Variants in GRIN2B observed in about 807,000 individuals in gnomAD.
GRIN2B encodes the protein glutamate receptor ionotropic, NMDA 2B.
In GRIN2B, 5 loss-of-function variants were observed where a neutral mutation model predicts 114.5. The observed-to-expected ratio is 0.04, with a 90% CI of 0.02 to 0.09. The LOEUF is 0.09. Among genes scored for constraint, GRIN2B ranks in the 10% least tolerant of loss-of-function variants. GRIN2B has a pLI of 1.00. For missense variants in GRIN2B, 1,108 were observed against 1,943.5 expected (o/e 0.57, Z 8.08); for synonymous variants, 787 against 745.1 (o/e 1.06, Z -0.92).
chr12:13,598,627 C>T (rs1949107293), intron 10 of GRIN2B, among the ~76,000 whole-genome samples: 1 of 152,178 alleles, frequency 6.6e-6, no homozygotes, highest in Non-Finnish European at 1.5e-5. Context: ...TACCCCACCC[C>T]CTCCACCACC....
intron 4 of GRIN2B, among the ~76,000 whole-genome samples, chr12:13,690,727 C>T (rs1565501604): frequency 1.3e-5 from 2 of 151,958 alleles, no homozygotes; most frequent in South Asian, 2.1e-4. Flanking sequence ...AAATCAAAAG[C>T]GATTTCTCTT....
At chr12:13,658,598 A>T (rs1276551588) in intron 5 of GRIN2B, among the ~76,000 whole-genome samples, 3 of 152,182 alleles carry the variant, frequency 2.0e-5, no homozygotes, top group African/African-American at 7.2e-5. Context: ...ATAGATTTTG[A>T]AGAGCACAGA....
intron 2 of GRIN2B, among the ~76,000 whole-genome samples, chr12:13,928,079 G>A (rs1866951659): frequency 6.6e-6 from 1 of 151,962 alleles, no homozygotes; most frequent in Non-Finnish European, 1.5e-5. Flanking sequence ...GGGAGGCTGA[G>A]GCGGGTGGAT....
chr12:13,868,795 C>T (rs138820408), intron 2 of GRIN2B, among the ~76,000 whole-genome samples: 5 of 152,292 alleles, frequency 3.3e-5, no homozygotes, highest in African/African-American at 1.2e-4. Flanking sequence ...TTTTACAGAG[C>T]ATCTCATTTA....
At position 13,753,450 on chromosome 12, in the gene GRIN2B, C is replaced by A; in HGVS notation, c.877G>T (p.Val293Leu). ...DEWDYGLPAR[V>L]RDGIAIITTA... ...GTGATTATGGCAATTCCATCTCTCA[C>A]TCTGGCGGGGAGGCCATAGTCCCAT... Residue 293 changes from valine (V) to leucine (L), a missense_variant, in exon 4 of 14, where the codon GTG (valine) becomes TTG (leucine). By Grantham distance (32) the Val-to-Leu change is conservative (BLOSUM62 1). This residue lies in a region of GRIN2B where 199 missense variants were observed against 439.6 expected (regional missense o/e 0.45). Transcript: ENST00000609686. This position sits in a 1 kb window ranked among gnomAD's most constrained non-coding sequence, Gnocchi z 6.2. 1 of 1,614,112 alleles carries A rather than the reference C, an allele frequency of 6.2e-7. No homozygotes were observed. The highest frequency in any genetic ancestry group is 8.5e-7 in the Non-Finnish European group (1 of 1,179,954).
chr12:13,689,523 G>A (rs1222390059), intron 4 of GRIN2B, among the ~76,000 whole-genome samples: 1 of 151,892 alleles, frequency 6.6e-6, no homozygotes, highest in Non-Finnish European at 1.5e-5. Flanking sequence ...CTCCCTAAAT[G>A]TTTACCCTAG....
intron 4 of GRIN2B, among the ~76,000 whole-genome samples, chr12:13,744,277 A>C (rs760375441): frequency 2.0e-5 from 3 of 152,252 alleles, no homozygotes; most frequent in Admixed American, 1.3e-4. Context: ...TCATCTAAAT[A>C]GTCTCAGCAA....
At position 13,564,583 on chromosome 12, in the gene GRIN2B, G is replaced by A. The variant is rs2136406373; in HGVS notation, c.2655C>T (p.Asn885=). 4 of 1,614,010 alleles carry A rather than the reference G, an allele frequency of 2.5e-6. No homozygotes were observed. The highest frequency in any genetic ancestry group is 3.4e-6 in the Non-Finnish European group (4 of 1,179,992). ...TGTTGTTCATGGTTGCGGTGGGGGA[G>A]TTCATTACAGACTGGCGCTCCTCGA... ...VAIEERQSVM[N]SPTATMNNTH... The change falls in exon 14 of 14, where the codon AAC becomes AAT. Residue 885 remains asparagine (N), a synonymous_variant. Transcript: ENST00000609686. The surrounding 1 kb of genome is among the most constrained non-coding windows in gnomAD (Gnocchi z 4.8).
intron 3 of GRIN2B, among the ~76,000 whole-genome samples, chr12:13,784,842 A>G (rs952205962): frequency 3.3e-5 from 5 of 152,236 alleles, no homozygotes; most frequent in African/African-American, 1.2e-4. Context: ...CAGGATGAGC[A>G]AAGAAGCCTA....
Position 13,545,920 on chromosome 12 carries a change from G to C in GRIN2B, c.*16863C>G, listed in dbSNP as rs918405138. 3.3e-5 allele frequency: 5 copies of C among 152,130 alleles called. No homozygotes were observed. The highest frequency in any genetic ancestry group is 1.2e-4 in the African/African-American group (5 of 41,410). 9.4% of individuals were successfully genotyped at this position (152,130 alleles called of 1,614,324 possible). The stretch of plus-strand genomic sequence containing the variant: ...TCATGTCTGAGTCAGTAAATTCCAT[G>C]TTAATATGTGTAAGACTCAGGATTA... On this transcript the variant is annotated 3_prime_UTR_variant, in exon 14 of 14. Transcript: ENST00000609686.
At position 13,866,117 on chromosome 12, in the gene GRIN2B, C is replaced by G. The variant is rs746004289; in HGVS notation, c.92G>C (p.Ser31Thr). The stretch of plus-strand genomic sequence containing the variant: ...GACAGCAATGCCAATGCTGGGGGGG[C>G]TCTTCTGAGAACGAGCTCTGCTGCC... ...VSGSRARSQK[S>T]PPSIGIAVIL... The change falls in exon 3 of 14, where the codon AGC becomes ACC. Residue 31 changes from serine (S) to threonine (T), a missense_variant. Coordinates refer to ENST00000609686, the MANE Select transcript of GRIN2B (RefSeq NM_000834.5). The G allele has an allele frequency of 6.2e-7, 1 of 1,613,900 alleles. No individual in the cohort carries two copies. The highest frequency in any genetic ancestry group is 1.1e-5 in the South Asian group (1 of 91,076).
At chr12:13,870,117 G>A (rs534983472) in intron 2 of GRIN2B, among the ~76,000 whole-genome samples, 14 of 152,228 alleles carry the variant, frequency 9.2e-5, no homozygotes, top group Admixed American at 2.6e-4. Context: ...GAGGAACCGC[G>A]CATGGGGCAA....
chr12:13,715,505 CACTT>C (rs1163028483), intron 4 of GRIN2B, among the ~76,000 whole-genome samples: 1 of 151,830 alleles, frequency 6.6e-6, no homozygotes, highest in Non-Finnish European at 1.5e-5. Flanking sequence ...ATGCAGTAAA[CACTT>C]AGTAACATTT....
chr12:13,692,925 C>T (rs1017831838), intron 4 of GRIN2B, among the ~76,000 whole-genome samples: 28 of 151,560 alleles, frequency 1.8e-4, no homozygotes, highest in South Asian at 6.3e-4. Flanking sequence ...CCTGCCACCA[C>T]ACCCGGCTAA....
At position 13,541,498 on chromosome 12, in the gene GRIN2B, C is replaced by T. The variant is rs73290076; in HGVS notation, c.*21285G>A. 0.11 allele frequency: 16,177 copies of T among 152,222 alleles called. 935 individuals are homozygous for T. Among genetic ancestry groups the T allele is most frequent in the South Asian group, 0.2 (986 of 4,826 alleles). 9.4% of individuals were successfully genotyped at this position (152,222 alleles called of 1,614,324 possible). ...AAGCAAAGAGAGGTCATGACAAAAC[C>T]ATCCCTGGCTTCCTTTGCTTCCCTC... On this transcript the variant is annotated 3_prime_UTR_variant, in exon 14 of 14. Transcript: ENST00000609686.
chr12:13,637,077 G>A (rs1949672645), intron 5 of GRIN2B, among the ~76,000 whole-genome samples: 1 of 152,082 alleles, frequency 6.6e-6, no homozygotes, highest in Non-Finnish European at 1.5e-5. Flanking sequence ...TGAGTAGGTG[G>A]GCATAAGAGT....
At chr12:13,926,902 A>G (rs1866925909) in intron 2 of GRIN2B, among the ~76,000 whole-genome samples, 1 of 151,940 alleles carries the variant, frequency 6.6e-6, no homozygotes. Context: ...GCAGTGAGCC[A>G]AGATCACACC....
At chr12:13,681,112 C>G (rs11837924) in intron 4 of GRIN2B, among the ~76,000 whole-genome samples, 6,444 of 152,200 alleles carry the variant, frequency 0.042, 443 homozygotes, top group African/African-American at 0.15. Context: ...GGGAGGCACT[C>G]GAAGGAGCTC....
rs1261659012 is a variant in GRIN2B at position 13,546,299 on chromosome 12, G to A, written c.*16484C>T. 6.6e-6 allele frequency: 1 copy of A among 152,176 alleles called. No individual in the cohort carries two copies. Among genetic ancestry groups the A allele is most frequent in the Non-Finnish European group, 1.5e-5 (1 of 68,028 alleles). The allele number at this position is 152,176 out of a possible 1,614,324, so 9.4% of individuals were successfully genotyped here. A position where few individuals can be genotyped will look rare whatever the true frequency, so the allele number is the denominator to read the frequency against. ...GCTGCCCTAAAGGTTTGTAGACAAG[G>A]TTTTGAAGAATCGAGCTACAATGCT... On this transcript the variant is annotated 3_prime_UTR_variant, in exon 14 of 14. Transcript: ENST00000609686.
Sources: allele counts gnomAD v4.1 joint callset (sites outside exome capture counted in the v4.1 genomes callset), GRCh38; gene constraint gnomAD v4.1.1; regional missense constraint gnomAD v4.1.1; non-coding constraint Gnocchi (gnomAD v3.1); transcripts MANE v1.5; gene names NCBI Gene and HGNC (gene_info 2026-07-23, HGNC 2026-07-21).